CLNK: variants seen among roughly 807,000 people sequenced by gnomAD.
CLNK encodes cytokine dependent hematopoietic cell linker.
In CLNK, 74 loss-of-function variants were observed where a neutral mutation model predicts 68.6. That is an observed-to-expected ratio of 1.08 (90% confidence interval 0.89 to 1.31). The LOEUF (loss-of-function observed/expected upper bound fraction) is 1.31. Ranked by LOEUF, CLNK falls within the 50% of genes most tolerant of loss-of-function variation. The pLI is 0.00. For synonymous variants in CLNK, 198 were observed against 172.2 expected (o/e 1.15, Z -1.17); for missense variants, 553 against 515.3 (o/e 1.07, Z -0.71).
At chr4:10,610,913 G>A (rs1474732076) in intron 2 of CLNK, among the ~76,000 whole-genome samples, 2 of 152,166 alleles carry the variant, frequency 1.3e-5, no homozygotes, top group African/African-American at 4.8e-5. Flanking sequence ...GCTGGCCATG[G>A]TGGTTCACGT....
At chr4:10,532,331 A>G in intron 11 of CLNK, 48 bp from the exon 12 acceptor site, 5 of 1,492,078 alleles carry the variant, frequency 3.4e-6, no homozygotes, top group Non-Finnish European at 4.6e-6. Flanking sequence ...GTTCATAATG[A>G]CCAAGATAAA....
At chr4:10,710,259 G>T in the CLNK span, among the ~76,000 whole-genome samples, 13 of 152,246 alleles carry the variant, frequency 8.5e-5, no homozygotes, top group Middle Eastern at 3.4e-3. Flanking sequence ...AGAGGAGTGA[G>T]GCATTAAGAG....
intron 4 of CLNK, among the ~76,000 whole-genome samples, chr4:10,576,372 G>A (rs1220352423): frequency 1.3e-5 from 2 of 152,232 alleles, no homozygotes; most frequent in South Asian, 4.1e-4. Context: ...GCATGGATGT[G>A]TGGAGGGTCA....
intron 4 of CLNK, among the ~76,000 whole-genome samples, chr4:10,578,494 A>G (rs1206769125): frequency 1.3e-5 from 2 of 151,656 alleles, no homozygotes; most frequent in African/African-American, 4.9e-5. Context: ...CATAACACCA[A>G]CACATGCACT....
intron 5 of CLNK, among the ~76,000 whole-genome samples, chr4:10,571,326 CTTTTTTT>C (rs60429766): frequency 1.5e-5 from 1 of 64,600 alleles, no homozygotes; most frequent in East Asian, 6.0e-4. Flanking sequence ...GTTGCTGTTG[CTTTTTTT>C]TTTTTTTTTT....
chr4:10,689,021 C>T (rs1577222728), upstream of CLNK, among the ~76,000 whole-genome samples: 1 of 151,972 alleles, frequency 6.6e-6, no homozygotes, highest in East Asian at 1.9e-4. Flanking sequence ...TTCACTTCCT[C>T]TTTCTAAAAT....
At chr4:10,519,002 T>TC (rs915110891) in intron 15 of CLNK, among the ~76,000 whole-genome samples, 2 of 152,208 alleles carry the variant, frequency 1.3e-5, no homozygotes, top group Admixed American at 6.5e-5. Flanking sequence ...TAAGCACTGG[T>TC]TAAGAGAAGG....
chr4:10,645,930 G>C (rs1723493489), intron 2 of CLNK, among the ~76,000 whole-genome samples: 1 of 152,082 alleles, frequency 6.6e-6, no homozygotes, highest in Non-Finnish European at 1.5e-5. Context: ...TTCTATTTAT[G>C]TATCCAAGTA....
chr4:10,509,528 T>G (rs1459051715), intron 16 of CLNK, among the ~76,000 whole-genome samples: 1 of 22,298 alleles, frequency 4.5e-5, no homozygotes, highest in Admixed American at 5.4e-4. Flanking sequence ...AGTCACCTCT[T>G]TTTTTTTTTT....
rs748968517 is a variant in CLNK, at chr4:10,665,754, T to C, written c.11+2105A>G. On this transcript the variant is annotated intron_variant, in intron 2 of 18. Transcript: ENST00000226951. ...CCAAGCAGATGCTCATGGCAAATAT[T>C]GACAGACATTTCAAAGCCATCCCAC... 1.3e-4 allele frequency among the ~76,000 whole-genome samples: 19 copies of C among 151,478 alleles called. 1 individual carries two copies. The highest frequency in any genetic ancestry group is 1.0e-3 in the South Asian group (5 of 4,792).
At chr4:10,585,616 T>G (rs922386800) in intron 3 of CLNK, among the ~76,000 whole-genome samples, 5 of 152,138 alleles carry the variant, frequency 3.3e-5, no homozygotes, top group Non-Finnish European at 7.3e-5. Context: ...CCAATTAAGC[T>G]CCTTTAAATT....
At chr4:10,641,454 C>T (rs1033910157) in intron 2 of CLNK, among the ~76,000 whole-genome samples, 11 of 152,156 alleles carry the variant, frequency 7.2e-5, no homozygotes, top group African/African-American at 2.7e-4. Context: ...AATACTCTCA[C>T]TCCAGTGGAG....
chr4:10,664,552 A>C (rs1724319059), intron 2 of CLNK, among the ~76,000 whole-genome samples: 1 of 152,226 alleles, frequency 6.6e-6, no homozygotes, highest in Admixed American at 6.5e-5. Flanking sequence ...GTGTGCCAGG[A>C]AGGAAACGGT....
intron 12 of CLNK, 90 bp downstream of exon 12, chr4:10,532,166 G>A: frequency 2.2e-6 from 2 of 908,632 alleles, no homozygotes; most frequent in East Asian, 2.5e-5. Context: ...CTAAGTGTAA[G>A]TATCTGAAGC....
rs535066513 is a variant in CLNK, at chr4:10,498,220, T to G, written c.1140+3036A>C. 2.6e-4 allele frequency among the ~76,000 whole-genome samples: 38 copies of G among 146,324 alleles called. No homozygotes were observed. The East Asian group carries it at 7.0e-3, about 27-fold the overall frequency. Reference sequence around the variant, plus strand: ...TAGAATAAATAAATAAGCTGGGTGCTGTGGCTCACGCCTGTAATCCCAGCA... The same window carrying G: ...TAGAATAAATAAATAAGCTGGGTGCGGTGGCTCACGCCTGTAATCCCAGCA... On this transcript the variant is annotated intron_variant, in intron 18 of 18. Coordinates refer to ENST00000226951, the MANE Select transcript of CLNK (RefSeq NM_052964.4).
intron 8 of CLNK, among the ~76,000 whole-genome samples, chr4:10,548,698 G>T (rs1719332416): frequency 6.6e-6 from 1 of 152,168 alleles, no homozygotes; most frequent in Non-Finnish European, 1.5e-5. Context: ...TGAGGAACGT[G>T]GTCCTGCCCT....
intron 8 of CLNK, among the ~76,000 whole-genome samples, chr4:10,556,437 G>T (rs1217574065): frequency 6.6e-6 from 1 of 152,068 alleles, no homozygotes; most frequent in Non-Finnish European, 1.5e-5. Flanking sequence ...TGTGAACTGA[G>T]GCAAAGGGTA....
At chr4:10,542,183 T>C in intron 9 of CLNK, 72 bp downstream of exon 9, 1 of 1,193,846 alleles carries the variant, frequency 8.4e-7, no homozygotes, top group Non-Finnish European at 1.2e-6. Context: ...ATCTGAGTTT[T>C]TGCATCATCT....
intron 2 of CLNK, among the ~76,000 whole-genome samples, chr4:10,629,616 GA>G (rs1333584062): frequency 1.3e-5 from 2 of 152,182 alleles, no homozygotes; most frequent in African/African-American, 2.4e-5. Context: ...AAACCTCGGG[GA>G]GATTGCACAT....
Sources: allele counts gnomAD v4.1 joint callset (sites outside exome capture counted in the v4.1 genomes callset), GRCh38; gene constraint gnomAD v4.1.1; transcripts MANE v1.5; gene names NCBI Gene and HGNC (gene_info 2026-07-23, HGNC 2026-07-21).